The following TRPM3 variants were observed in gnomAD, a reference collection of about 807,000 sequenced individuals.
The protein encoded by TRPM3 is transient receptor potential cation channel subfamily M member 3, also known as long transient receptor potential channel 3.
TRPM3 carries 77 observed loss-of-function variants against 181.2 expected under a neutral mutation model. The observed-to-expected ratio is 0.42, with a 90% CI of 0.35 to 0.51. TRPM3 has a LOEUF of 0.51. Ranked by LOEUF, TRPM3 falls within the 20% of genes least tolerant of loss-of-function variation. The probability of loss-of-function intolerance (pLI) is 0.01; values close to 1 mark genes in which losing one functional copy is unlikely to be tolerated. For missense variants in TRPM3, 1,759 were observed against 2,196.7 expected, an observed-to-expected ratio of 0.80 and a Z score of 3.98; for synonymous variants, 745 against 796.4, an observed-to-expected ratio of 0.94 and a Z score of 1.09.
chr9:71,160,295 C>T (rs1481993911), intron 1 of TRPM3, among the ~76,000 whole-genome samples: 1 of 152,096 alleles, frequency 6.6e-6, no homozygotes, highest in Non-Finnish European at 1.5e-5. Flanking sequence ...AAGGGACTCC[C>T]AATCCCTTCA....
intron 1 of TRPM3, among the ~76,000 whole-genome samples, chr9:71,158,854 A>G (rs1264167973): frequency 6.6e-6 from 1 of 152,116 alleles, no homozygotes; most frequent in Non-Finnish European, 1.5e-5. Context: ...GAATAGAACT[A>G]AAAAGAGGAG....
chr9:71,066,722 C>T (rs1282233294), intron 1 of TRPM3, among the ~76,000 whole-genome samples: 3 of 152,106 alleles, frequency 2.0e-5, no homozygotes, highest in South Asian at 4.1e-4. Flanking sequence ...AAATTATTCT[C>T]TTTTTTATGA....
chr9:71,432,323 C>CTTTTTTTTTTTTTTTTTTTT (rs67905820), intron 1 of TRPM3, among the ~76,000 whole-genome samples: 2 of 76,620 alleles, frequency 2.6e-5, no homozygotes, highest in Non-Finnish European at 5.2e-5. Context: ...AAAAGTAGGA[C>CTTTTTTTTTTTTTTTTTTTT]TTTTTTTTTT....
At chr9:71,162,367 T>G (rs2076324474) in intron 1 of TRPM3, among the ~76,000 whole-genome samples, 1 of 152,044 alleles carries the variant, frequency 6.6e-6, no homozygotes, top group African/African-American at 2.4e-5. Flanking sequence ...TTAACAGTCA[T>G]CATGACAGAC....
intron 1 of TRPM3, among the ~76,000 whole-genome samples, chr9:70,881,022 A>G (rs2095981535): frequency 1.3e-5 from 2 of 152,160 alleles, no homozygotes. Flanking sequence ...TATGGTCAGC[A>G]TTGATAAACA....
chr9:71,099,940 A>C (rs1403495651), intron 1 of TRPM3, among the ~76,000 whole-genome samples: 1 of 152,048 alleles, frequency 6.6e-6, no homozygotes, highest in Admixed American at 6.6e-5. Context: ...CTACCTCCCT[A>C]TTGACGTATA....
intron 1 of TRPM3, among the ~76,000 whole-genome samples, chr9:71,141,935 G>C (rs1054936966): frequency 6.6e-6 from 1 of 152,052 alleles, no homozygotes; most frequent in Non-Finnish European, 1.5e-5. Context: ...TCCATTCACT[G>C]GGGCCATAAT....
At chr9:71,235,064 C>T (rs1226147724) in intron 1 of TRPM3, among the ~76,000 whole-genome samples, 2 of 152,240 alleles carry the variant, frequency 1.3e-5, no homozygotes, top group Non-Finnish European at 2.9e-5. Context: ...AACCTATGCG[C>T]CAACCATGCC....
intron 1 of TRPM3, among the ~76,000 whole-genome samples, chr9:71,238,495 G>T (rs1217409992): frequency 6.6e-6 from 1 of 152,134 alleles, no homozygotes; most frequent in East Asian, 1.9e-4. Context: ...TCAGGTTGCA[G>T]TTCTTCTCAA....
At chr9:71,022,148 A>G (rs887510855) in intron 1 of TRPM3, among the ~76,000 whole-genome samples, 4 of 152,222 alleles carry the variant, frequency 2.6e-5, no homozygotes, top group African/African-American at 9.6e-5. Context: ...GTCTTACAAT[A>G]TAGCTACATT....
At chr9:70,768,071 TCAAG>T (rs2079495989) in intron 7 of TRPM3, among the ~76,000 whole-genome samples, 1 of 152,180 alleles carries the variant, frequency 6.6e-6, no homozygotes, top group Admixed American at 6.5e-5. Context: ...AGCAATGATA[TCAAG>T]TGATTCTGTT....
intron 9 of TRPM3, among the ~76,000 whole-genome samples, chr9:70,670,391 A>G (rs2062686209): frequency 6.6e-6 from 1 of 152,204 alleles, no homozygotes; most frequent in South Asian, 2.1e-4. Context: ...AAGTTCTTTT[A>G]TTGAATTCTC....
At chr9:71,231,804 G>T (rs961496687) in intron 1 of TRPM3, among the ~76,000 whole-genome samples, 1 of 152,120 alleles carries the variant, frequency 6.6e-6, no homozygotes, top group African/African-American at 2.4e-5. Context: ...AAGCGGGTTT[G>T]GGTTAAAAAA....
At chr9:71,284,655 A>G (rs1394595753) in intron 1 of TRPM3, among the ~76,000 whole-genome samples, 2 of 152,216 alleles carry the variant, frequency 1.3e-5, no homozygotes, top group Non-Finnish European at 2.9e-5. Context: ...AGAATTGACC[A>G]TGCTGATCAT....
chr9:71,005,530 C>A (rs903469038), intron 1 of TRPM3, among the ~76,000 whole-genome samples: 10 of 151,852 alleles, frequency 6.6e-5, no homozygotes, highest in African/African-American at 2.4e-4. Context: ...TAAAAACCAG[C>A]AAGAGAAATG....
At chr9:70,993,199 A>T (rs551258994) in intron 1 of TRPM3, among the ~76,000 whole-genome samples, 5 of 152,304 alleles carry the variant, frequency 3.3e-5, no homozygotes, top group African/African-American at 1.2e-4. Context: ...GTGAGGGGAC[A>T]TCATAATTTT....
At chr9:70,923,826 CTCTA>C (rs1240388513) in intron 1 of TRPM3, among the ~76,000 whole-genome samples, 2,545 of 142,374 alleles carry the variant, frequency 0.018, 35 homozygotes, top group Middle Eastern at 0.039. Flanking sequence ...CTCTCTCTCT[CTCTA>C]TATATATATA....
chr9:71,216,519 A>G (rs1285301064), intron 1 of TRPM3, among the ~76,000 whole-genome samples: 1 of 152,250 alleles, frequency 6.6e-6, no homozygotes, highest in Non-Finnish European at 1.5e-5. Flanking sequence ...TTTACATGCC[A>G]GTACATATGT....
chr9:70,900,985 C>A (rs1195252558), intron 1 of TRPM3, among the ~76,000 whole-genome samples: 1 of 152,206 alleles, frequency 6.6e-6, no homozygotes, highest in African/African-American at 2.4e-5. Context: ...TAGAAGGCAA[C>A]TTTTTCTCTC....
Sources: gnomAD v4.1 joint callset for allele counts (sites outside exome capture counted in the v4.1 genomes callset) on GRCh38, gnomAD v4.1.1 for gene constraint, MANE v1.5 for transcripts, NCBI Gene and HGNC (gene_info 2026-07-23, HGNC 2026-07-21) for gene names.